LYPD6: variants seen among roughly 807,000 people sequenced by gnomAD.
LYPD6 encodes the protein ly6/PLAUR domain-containing protein 6.
In LYPD6, 15 loss-of-function variants were observed where a neutral mutation model predicts 22.7. That is an observed-to-expected ratio of 0.66 (90% confidence interval 0.44 to 1.02). LYPD6 has a LOEUF of 1.02. Ranked by LOEUF, LYPD6 falls within the 50% of genes least tolerant of loss-of-function variation. The pLI, the probability that LYPD6 is intolerant of heterozygous loss-of-function variation, is 0.00. For missense variants in LYPD6, 189 were observed against 208.4 expected (o/e 0.91, Z 0.57); for synonymous variants, 72 against 77.5 (o/e 0.93, Z 0.37).
chr2:149,424,267 A>C (rs1050646957), intron 1 of LYPD6, among the ~76,000 whole-genome samples: 2 of 152,242 alleles, frequency 1.3e-5, no homozygotes, highest in Non-Finnish European at 2.9e-5. Context: ...GATGATGTCC[A>C]TAAAATTTAC....
chr2:149,486,225 A>G, the LYPD6 span, among the ~76,000 whole-genome samples: 1 of 152,330 alleles, frequency 6.6e-6, no homozygotes, highest in African/African-American at 2.4e-5. Context: ...ACAGTGAACT[A>G]TGTGATTATT....
chr2:149,409,070 T>C (rs1032992491), intron 1 of LYPD6, among the ~76,000 whole-genome samples: 2 of 152,194 alleles, frequency 1.3e-5, no homozygotes, highest in Non-Finnish European at 2.9e-5. Flanking sequence ...CAAGGGCTGC[T>C]GTTCAGATTC....
the LYPD6 span, among the ~76,000 whole-genome samples, chr2:149,479,867 T>G: frequency 6.6e-6 from 1 of 152,110 alleles, no homozygotes; most frequent in African/African-American, 2.4e-5. Flanking sequence ...TTCAAGAATT[T>G]CACATTGTTC....
At chr2:149,347,967 G>A (rs1224974812) in intron 1 of LYPD6, among the ~76,000 whole-genome samples, 1 of 148,376 alleles carries the variant, frequency 6.7e-6, no homozygotes, top group Non-Finnish European at 1.5e-5. Context: ...TGTAATCCCA[G>A]CATTTTGGGA....
chr2:149,392,287 C>T (rs1307202166), intron 1 of LYPD6, among the ~76,000 whole-genome samples: 2 of 152,250 alleles, frequency 1.3e-5, no homozygotes, highest in East Asian at 1.9e-4. Flanking sequence ...GTGGGGATAC[C>T]ATTCAGTACA....
At chr2:149,470,031 C>T (rs183107768) in intron 4 of LYPD6, among the ~76,000 whole-genome samples, 10 of 152,328 alleles carry the variant, frequency 6.6e-5, no homozygotes, top group Non-Finnish European at 1.0e-4. Flanking sequence ...TTGTAACAAA[C>T]TCCCAGCTGA....
intron 4 of LYPD6, among the ~76,000 whole-genome samples, 189 bp downstream of exon 4, chr2:149,468,964 A>G (rs1681271477): frequency 6.6e-6 from 1 of 152,190 alleles, no homozygotes; most frequent in Admixed American, 6.5e-5. Flanking sequence ...AGAGCATAGG[A>G]CAACTGATAT....
At chr2:149,340,273 C>T (rs1285380996) in intron 1 of LYPD6, among the ~76,000 whole-genome samples, 1 of 152,034 alleles carries the variant, frequency 6.6e-6, no homozygotes, top group African/African-American at 2.4e-5. Flanking sequence ...CCCAGATGTA[C>T]ATGTTACTTA....
chr2:149,445,284 A>G (rs1683662311), intron 2 of LYPD6, among the ~76,000 whole-genome samples: 1 of 152,216 alleles, frequency 6.6e-6, no homozygotes, highest in South Asian at 2.1e-4. Context: ...CACAGAGTAG[A>G]CTTAACATAA....
chr2:149,463,301 A>G (rs998332004), intron 3 of LYPD6, among the ~76,000 whole-genome samples: 1 of 152,198 alleles, frequency 6.6e-6, no homozygotes, highest in African/African-American at 2.4e-5. Flanking sequence ...ATCATTAGCC[A>G]TAAGGGAAAT....
At chr2:149,384,095 A>T (rs1682127173) in intron 1 of LYPD6, among the ~76,000 whole-genome samples, 1 of 152,212 alleles carries the variant, frequency 6.6e-6, no homozygotes, top group Non-Finnish European at 1.5e-5. Context: ...GTTCCATAGT[A>T]GAATCCCATT....
chr2:149,477,622 C>CAAAAAAAAAAAAAAAAAAAAAAAAAA (rs35507967), downstream of LYPD6, among the ~76,000 whole-genome samples: 2 of 62,912 alleles, frequency 3.2e-5, no homozygotes, highest in Non-Finnish European at 5.5e-5. Flanking sequence ...AACTGTGTCT[C>CAAAAAAAAAAAAAAAAAAAAAAAAAA]AAAAAAAAAA....
chr2:149,451,214 A>T (rs1185383996), intron 3 of LYPD6, among the ~76,000 whole-genome samples: 1 of 152,148 alleles, frequency 6.6e-6, no homozygotes, highest in East Asian at 1.9e-4. Flanking sequence ...GGAGGGGAGG[A>T]ACACTGTGGC....
At chr2:149,402,263 A>G (rs1230805866) in intron 1 of LYPD6, among the ~76,000 whole-genome samples, 1 of 146,804 alleles carries the variant, frequency 6.8e-6, no homozygotes, top group Non-Finnish European at 1.5e-5. Flanking sequence ...TGTGTGTATT[A>G]CATTTCCTTT....
At chr2:149,480,480 A>AC in the LYPD6 span, among the ~76,000 whole-genome samples, 1 of 151,396 alleles carries the variant, frequency 6.6e-6, no homozygotes, top group African/African-American at 2.4e-5. Context: ...CTTCCCTGAC[A>AC]CCCCCAAATT....
intron 2 of LYPD6, among the ~76,000 whole-genome samples, chr2:149,442,719 G>T (rs1001487420): frequency 6.6e-6 from 1 of 151,410 alleles, no homozygotes; most frequent in Non-Finnish European, 1.5e-5. Flanking sequence ...TTCATCTGTA[G>T]ACCTCATTTC....
Position 149,462,010 on chromosome 2 carries a change from A to G in LYPD6, c.218-6635A>G, listed in dbSNP as rs762575791. Among the ~76,000 whole-genome samples the G allele has an allele frequency of 6.6e-4, 100 of 152,020 alleles. 1 individual carries two copies. Among genetic ancestry groups the G allele is most frequent in the Non-Finnish European group, 1.3e-3 (85 of 67,864 alleles). ...CTAGGCAATTATGTCTGCTTTCACT[A>G]CTTTTATTTAGTGCAACCCTGTAGA... On this transcript the variant is annotated intron_variant, in intron 3 of 4. Coordinates refer to ENST00000334166, the MANE Select transcript of LYPD6 (RefSeq NM_194317.5).
intron 1 of LYPD6, among the ~76,000 whole-genome samples, chr2:149,333,212 A>G (rs1016102858): frequency 1.3e-5 from 2 of 152,242 alleles, no homozygotes; most frequent in African/African-American, 4.8e-5. Context: ...GTACAAATGT[A>G]GCAGAAGACA....
chr2:149,410,736 A>T (rs1001543969), intron 1 of LYPD6, among the ~76,000 whole-genome samples: 2 of 152,218 alleles, frequency 1.3e-5, no homozygotes, highest in African/African-American at 4.8e-5. Flanking sequence ...GCTATTGTTC[A>T]TGCGAGTCAG....
Sources: gnomAD v4.1 joint callset for allele counts (sites outside exome capture counted in the v4.1 genomes callset) on GRCh38, gnomAD v4.1.1 for gene constraint, MANE v1.5 for transcripts, NCBI Gene and HGNC (gene_info 2026-07-23, HGNC 2026-07-21) for gene names.